FRMD6: variants seen among roughly 807,000 people sequenced by gnomAD.
FRMD6 encodes the protein FERM domain containing 6.
Under a neutral mutation model 73.2 loss-of-function variants are expected in FRMD6, and 37 were observed. The observed-to-expected ratio is 0.51, with a 90% CI of 0.39 to 0.66. The LOEUF (loss-of-function observed/expected upper bound fraction) is 0.66, where lower values mean the gene tolerates loss of function less well. FRMD6 is among the 30% of genes least tolerant of loss of function. FRMD6 has a pLI of 0.00. For synonymous variants in FRMD6, 273 were observed against 282.2 expected (o/e 0.97, Z 0.33); for missense variants, 714 against 780.5 (o/e 0.91, Z 1.02).
intron 1 of FRMD6, among the ~76,000 whole-genome samples, chr14:51,557,290 A>G (rs1887193376): frequency 6.6e-6 from 1 of 152,124 alleles, no homozygotes; most frequent in Non-Finnish European, 1.5e-5. Context: ...ACATACATAC[A>G]TAGGAATATT....
intron 5 of FRMD6, among the ~76,000 whole-genome samples, chr14:51,703,641 C>G (rs1417831232): frequency 6.6e-6 from 1 of 151,994 alleles, no homozygotes; most frequent in African/African-American, 2.4e-5. Context: ...TACTTCTGCC[C>G]CTTTTTCCCA....
At chr14:51,530,748 A>G (rs534288131) in intron 1 of FRMD6, among the ~76,000 whole-genome samples, 1 of 152,128 alleles carries the variant, frequency 6.6e-6, no homozygotes, top group African/African-American at 2.4e-5. Context: ...CAGCCTCCCA[A>G]CATGCTGGGA....
At chr14:51,679,584 G>A (rs571485370) in intron 1 of FRMD6, among the ~76,000 whole-genome samples, 1 of 133,790 alleles carries the variant, frequency 7.5e-6, no homozygotes, top group South Asian at 2.3e-4. Flanking sequence ...GCTTTGGCAT[G>A]TAAAGCTAAG....
chr14:51,416,156 G>T, the FRMD6 span, among the ~76,000 whole-genome samples: 1 of 152,052 alleles, frequency 6.6e-6, no homozygotes, highest in East Asian at 1.9e-4. Flanking sequence ...ATCTCCTTCA[G>T]TTCTGCTCTG....
the FRMD6 span, among the ~76,000 whole-genome samples, chr14:51,430,624 A>C: frequency 6.7e-6 from 1 of 150,370 alleles, no homozygotes; most frequent in Non-Finnish European, 1.5e-5. Context: ...AAAAAACAAC[A>C]AAAAAAACCC....
chr14:51,670,331 G>C (rs774311481), intron 1 of FRMD6, among the ~76,000 whole-genome samples: 8 of 152,142 alleles, frequency 5.3e-5, no homozygotes, highest in East Asian at 1.9e-4. Context: ...TAGTCTCCCA[G>C]AGTGCTGAGA....
chr14:51,504,179 C>T (rs924908920), intron 1 of FRMD6, among the ~76,000 whole-genome samples: 2 of 152,150 alleles, frequency 1.3e-5, no homozygotes, highest in African/African-American at 4.8e-5. Flanking sequence ...GGCTACTCTA[C>T]CATAGGGCTG....
At chr14:51,689,144 G>A (rs1178377459) in intron 1 of FRMD6, among the ~76,000 whole-genome samples, 1 of 152,194 alleles carries the variant, frequency 6.6e-6, no homozygotes, top group Non-Finnish European at 1.5e-5. Flanking sequence ...TTAGCAACCA[G>A]GATAAATGTT....
At chr14:51,513,737 T>A (rs796604290) in intron 1 of FRMD6, among the ~76,000 whole-genome samples, 3 of 121,080 alleles carry the variant, frequency 2.5e-5, no homozygotes, top group Admixed American at 8.5e-5. Context: ...TGACCTGGGC[T>A]GAAGCCTCTC....
At position 51,730,486 on chromosome 14, in the gene FRMD6, A is replaced by T. The variant is rs892872285; in HGVS notation, c.*2457A>T. On this transcript the variant is annotated 3_prime_UTR_variant, in exon 14 of 14. Coordinates refer to ENST00000344768, the MANE Select transcript of FRMD6 (RefSeq NM_001267046.2). Reference sequence around the variant, plus strand: ...CTGTTATTTATTCTGCATTTCTTACATATCTATCGCTTGTCAGTATACCCG... The same window carrying T: ...CTGTTATTTATTCTGCATTTCTTACTTATCTATCGCTTGTCAGTATACCCG... 5.9e-5 allele frequency: 9 copies of T among 152,586 alleles called. No individual in the cohort carries two copies. Among genetic ancestry groups the T allele is most frequent in the Non-Finnish European group, 1.5e-5 (1 of 68,036 alleles). The allele number at this position is 152,586 out of a possible 1,614,324, so 9.5% of individuals were successfully genotyped here.
chr14:51,595,888 A>T (rs1255736370), intron 2 of FRMD6, among the ~76,000 whole-genome samples: 1 of 152,212 alleles, frequency 6.6e-6, no homozygotes, highest in Non-Finnish European at 1.5e-5. Context: ...ATGTAAACAG[A>T]ATATAAGTTT....
chr14:51,608,036 A>G (rs78971434), intron 2 of FRMD6, among the ~76,000 whole-genome samples: 142 of 133,298 alleles, frequency 1.1e-3, no homozygotes, highest in African/African-American at 3.5e-3. Flanking sequence ...AACACAAAAC[A>G]GAAGAAAACC....
chr14:51,506,808 G>A lies in FRMD6; in HGVS notation c.-210+17388G>A, dbSNP rs1222781476. ...CAGGCAGTTGACTAAATAAACCACAGCACATTTTTACCTTAGACTATTAAA... is the reference window on the plus strand; with the variant it reads ...CAGGCAGTTGACTAAATAAACCACAACACATTTTTACCTTAGACTATTAAA... On this transcript the variant is annotated intron_variant, in intron 1 of 14. Coordinates refer to the FRMD6 transcript ENST00000356218. Among the ~76,000 whole-genome samples, 6 of 152,174 alleles carry A rather than the reference G, an allele frequency of 3.9e-5. No homozygotes were observed. In the South Asian group the frequency reaches 1.2e-3, roughly 32 times the overall value.
At chr14:51,628,875 T>TCC (rs1192730731) in intron 2 of FRMD6, among the ~76,000 whole-genome samples, 8 of 74,198 alleles carry the variant, frequency 1.1e-4, no homozygotes, top group African/African-American at 3.9e-4. Context: ...TTCTTTTCTT[T>TCC]TCTTTTTTTT....
the FRMD6 span, chr14:51,437,062 T>C: frequency 2.4e-6 from 1 of 419,756 alleles, no homozygotes; most frequent in African/African-American, 2.1e-5. Context: ...AGGTATACAT[T>C]GCCATGTTGG....
intron 10 of FRMD6, 122 bp from the exon 11 acceptor site, chr14:51,719,933 A>C (rs1346474367): frequency 1.4e-6 from 1 of 703,624 alleles, no homozygotes; most frequent in Non-Finnish European, 2.4e-6. Context: ...CTAAATTATT[A>C]CTACTTTCCA....
the FRMD6 span, among the ~76,000 whole-genome samples, chr14:51,482,808 C>T: frequency 6.6e-6 from 1 of 152,094 alleles, no homozygotes; most frequent in Non-Finnish European, 1.5e-5. Context: ...TCACTCAATT[C>T]TCCTGCCTCA....
At chr14:51,556,032 A>G (rs2139468968) in intron 1 of FRMD6, among the ~76,000 whole-genome samples, 1 of 152,286 alleles carries the variant, frequency 6.6e-6, no homozygotes, top group Middle Eastern at 3.4e-3. Flanking sequence ...AGCTACTCAT[A>G]ATCTCCTTCA....
At chr14:51,419,516 A>T in the FRMD6 span, among the ~76,000 whole-genome samples, 1 of 152,176 alleles carries the variant, frequency 6.6e-6, no homozygotes, top group Non-Finnish European at 1.5e-5. Flanking sequence ...CTTGTGGGCA[A>T]AATATGGGGG....
Sources: gnomAD v4.1 joint callset for allele counts (sites outside exome capture counted in the v4.1 genomes callset) on GRCh38, gnomAD v4.1.1 for gene constraint, MANE v1.5 for transcripts, NCBI Gene and HGNC (gene_info 2026-07-23, HGNC 2026-07-21) for gene names.